CDH12: variants seen among roughly 807,000 people sequenced by gnomAD.
The protein encoded by CDH12 is cadherin 12, also known as cadherin-12.
In CDH12, 41 loss-of-function variants were observed where a neutral mutation model predicts 74.1. The observed-to-expected ratio is 0.55, with a 90% CI of 0.43 to 0.72. The LOEUF (loss-of-function observed/expected upper bound fraction) is 0.72, where lower values mean the gene tolerates loss of function less well. CDH12 is among the 30% of genes least tolerant of loss of function. The pLI is 0.00. For missense variants in CDH12, 945 were observed against 977.2 expected, an observed-to-expected ratio of 0.97 and a Z score of 0.44; for synonymous variants, 399 against 355.0, an observed-to-expected ratio of 1.12 and a Z score of -1.39.
chr5:22,841,396 T>C (rs1399061511), intron 1 of CDH12, among the ~76,000 whole-genome samples: 2 of 152,126 alleles, frequency 1.3e-5, no homozygotes, highest in African/African-American at 4.8e-5. Flanking sequence ...TAGAATATGT[T>C]TGTGAGTGAA....
At chr5:21,860,714 T>C (rs1182011045) in intron 6 of CDH12, among the ~76,000 whole-genome samples, 1 of 152,132 alleles carries the variant, frequency 6.6e-6, no homozygotes, top group East Asian at 1.9e-4. Flanking sequence ...CCTTCAAATA[T>C]CAGACTCCAA....
rs188239991 is a variant in CDH12 at position 22,438,563 on chromosome 5, A to G, written c.-427-33212T>C. Among the ~76,000 whole-genome samples the G allele has an allele frequency of 1.6e-3, 240 of 152,134 alleles. 2 individuals carry two copies. In the Middle Eastern group the frequency reaches 0.024, roughly 15 times the overall value. ...TACCATTTGGCACATATGCTACTCA[A>G]ATTTGAATTTAAATGGGTTAAATTA... is the stretch of plus-strand genomic sequence containing the variant. On this transcript the variant is annotated intron_variant, in intron 2 of 14. Coordinates refer to ENST00000382254, the MANE Select transcript of CDH12 (RefSeq NM_004061.5).
intron 6 of CDH12, among the ~76,000 whole-genome samples, chr5:21,942,747 T>C (rs182494036): frequency 6.6e-6 from 1 of 152,182 alleles, no homozygotes; most frequent in Non-Finnish European, 1.5e-5. Context: ...TTAAGTATGA[T>C]TTATTTGGGA....
At chr5:21,944,075 A>G (rs1579998180) in intron 6 of CDH12, among the ~76,000 whole-genome samples, 1 of 152,236 alleles carries the variant, frequency 6.6e-6, no homozygotes, top group African/African-American at 2.4e-5. Flanking sequence ...ATCAGATTGT[A>G]GAGACATTTA....
chr5:22,679,196 C>A (rs1345403253), intron 1 of CDH12, among the ~76,000 whole-genome samples: 2 of 152,014 alleles, frequency 1.3e-5, no homozygotes, highest in Non-Finnish European at 2.9e-5. Context: ...CACTAAACTT[C>A]CAGGTATAAT....
chr5:22,716,420 C>A (rs1451340017), intron 1 of CDH12, among the ~76,000 whole-genome samples: 2 of 121,532 alleles, frequency 1.6e-5, no homozygotes, highest in Non-Finnish European at 3.7e-5. Flanking sequence ...CTTGCTGCAA[C>A]GTACTACTCA....
At chr5:21,986,299 C>T (rs1315919847) in intron 5 of CDH12, among the ~76,000 whole-genome samples, 1 of 152,268 alleles carries the variant, frequency 6.6e-6, no homozygotes, top group Admixed American at 6.5e-5. Context: ...GTTATTCCCC[C>T]AATGCTGTCT....
chr5:21,996,234 T>A (rs1407463716), intron 5 of CDH12, among the ~76,000 whole-genome samples: 2 of 151,986 alleles, frequency 1.3e-5, no homozygotes, highest in Non-Finnish European at 2.9e-5. Flanking sequence ...ATTCCTTGTC[T>A]GAAGGGATCG....
At chr5:22,713,646 A>G (rs1337782932) in intron 1 of CDH12, among the ~76,000 whole-genome samples, 1 of 152,036 alleles carries the variant, frequency 6.6e-6, no homozygotes, top group Non-Finnish European at 1.5e-5. Context: ...GGCATAATAG[A>G]TATGTAACAT....
At chr5:22,692,208 C>T (rs1318877393) in intron 1 of CDH12, among the ~76,000 whole-genome samples, 1 of 152,192 alleles carries the variant, frequency 6.6e-6, no homozygotes, top group African/African-American at 2.4e-5. Flanking sequence ...TCCTCTTCCA[C>T]CATGAACTGA....
chr5:22,425,674 A>G (rs1418563983), intron 2 of CDH12, among the ~76,000 whole-genome samples: 1 of 151,936 alleles, frequency 6.6e-6, no homozygotes, highest in South Asian at 2.1e-4. Flanking sequence ...ATGAAGAATG[A>G]TCTTTACTTT....
chr5:22,233,709 T>TAGCACTG (rs532611992), intron 3 of CDH12, among the ~76,000 whole-genome samples: 2,890 of 152,296 alleles, frequency 0.019, 41 homozygotes, highest in Non-Finnish European at 0.028. Context: ...GTGCTATGGC[T>TAGCACTG]ATATTTTTGA....
intron 3 of CDH12, among the ~76,000 whole-genome samples, chr5:22,346,221 G>C (rs1740107165): frequency 6.6e-6 from 1 of 151,812 alleles, no homozygotes; most frequent in African/African-American, 2.4e-5. Context: ...ATAAAAAGGT[G>C]TCATTCTAGA....
chr5:22,403,515 C>T (rs988239020), intron 3 of CDH12, among the ~76,000 whole-genome samples: 5 of 152,122 alleles, frequency 3.3e-5, no homozygotes, highest in Non-Finnish European at 7.4e-5. Context: ...TCTCCAGATA[C>T]AGAATTTTCA....
chr5:22,375,464 C>T (rs1331691697), intron 3 of CDH12, among the ~76,000 whole-genome samples: 6 of 151,882 alleles, frequency 4.0e-5, no homozygotes, highest in Non-Finnish European at 7.4e-5. Flanking sequence ...CTATAAGAAA[C>T]CAAAAAGCTT....
At chr5:22,577,072 T>C (rs1282977959) in intron 1 of CDH12, among the ~76,000 whole-genome samples, 1 of 152,178 alleles carries the variant, frequency 6.6e-6, no homozygotes, top group East Asian at 1.9e-4. Flanking sequence ...TTTCTACCTG[T>C]GGTAACATTT....
intron 3 of CDH12, among the ~76,000 whole-genome samples, chr5:22,393,977 T>C (rs990733543): frequency 6.6e-6 from 1 of 152,080 alleles, no homozygotes; most frequent in Admixed American, 6.6e-5. Context: ...TCTTTACTGC[T>C]TATTGAAAAC....
intron 8 of CDH12, among the ~76,000 whole-genome samples, chr5:21,840,549 C>A (rs1051949399): frequency 6.6e-6 from 1 of 151,826 alleles, no homozygotes; most frequent in Non-Finnish European, 1.5e-5. Flanking sequence ...CATCGCCAAG[C>A]CAATCCTAAG....
intron 6 of CDH12, among the ~76,000 whole-genome samples, chr5:21,885,074 A>G (rs1752557577): frequency 6.6e-6 from 1 of 151,940 alleles, no homozygotes; most frequent in Non-Finnish European, 1.5e-5. Context: ...TTTAGTAGAG[A>G]TGGGGTTTCT....
Sources: gnomAD v4.1 joint callset for allele counts (sites outside exome capture counted in the v4.1 genomes callset) on GRCh38, gnomAD v4.1.1 for gene constraint, MANE v1.5 for transcripts, NCBI Gene and HGNC (gene_info 2026-07-23, HGNC 2026-07-21) for gene names.